Variants in SEMA5A observed in about 807,000 individuals in gnomAD.
SEMA5A encodes semaphorin-5A.
In SEMA5A, 55 loss-of-function variants were observed where a neutral mutation model predicts 135.5. The observed-to-expected ratio is 0.41, with a 90% CI of 0.33 to 0.51. The LOEUF is 0.51. SEMA5A is among the 20% of genes least tolerant of loss of function. SEMA5A has a pLI of 0.37. For synonymous variants in SEMA5A, 580 were observed against 546.5 expected, an observed-to-expected ratio of 1.06 and a Z score of -0.85; for missense variants, 1,290 against 1,419.9, an observed-to-expected ratio of 0.91 and a Z score of 1.47.
intron 8 of SEMA5A, among the ~76,000 whole-genome samples, chr5:9,219,144 A>G (rs1049434494): frequency 6.6e-5 from 10 of 152,238 alleles, no homozygotes; most frequent in African/African-American, 1.4e-4. Flanking sequence ...TCTACTGTCT[A>G]TCTCAAAGCT....
chr5:9,401,347 C>T (rs921369489), intron 2 of SEMA5A, among the ~76,000 whole-genome samples: 29 of 152,292 alleles, frequency 1.9e-4, no homozygotes, highest in Middle Eastern at 3.4e-3. Context: ...GGGTCTAGTG[C>T]CATATGTCAG....
intron 1 of SEMA5A, among the ~76,000 whole-genome samples, chr5:9,440,693 CT>C: frequency 6.6e-6 from 1 of 152,350 alleles, no homozygotes; most frequent in South Asian, 2.1e-4. Context: ...CCAATTATAA[CT>C]TACTAAGTGC....
chr5:9,102,246 C>T (rs998143947), intron 16 of SEMA5A, among the ~76,000 whole-genome samples: 6 of 152,172 alleles, frequency 3.9e-5, no homozygotes, highest in Admixed American at 3.3e-4. Context: ...AAAGGAAGTG[C>T]CAGCTGTCCC....
chr5:9,543,307 C>A (rs1738192377), intron 1 of SEMA5A, among the ~76,000 whole-genome samples: 1 of 152,188 alleles, frequency 6.6e-6, no homozygotes, highest in Non-Finnish European at 1.5e-5. Context: ...TATAAATGTG[C>A]TTGTATTTAT....
intron 15 of SEMA5A, among the ~76,000 whole-genome samples, chr5:9,114,664 G>T (rs1482609693): frequency 6.6e-6 from 1 of 152,178 alleles, no homozygotes; most frequent in Admixed American, 6.6e-5. Context: ...TGAAGGTGCT[G>T]CTTGGTCTCT....
chr5:9,132,621 G>A (rs1741493941), intron 13 of SEMA5A, among the ~76,000 whole-genome samples: 1 of 152,202 alleles, frequency 6.6e-6, no homozygotes, highest in Admixed American at 6.5e-5. Context: ...GTCTAAGACA[G>A]CCATAAGTCA....
chr5:9,082,385 A>AC (rs1189491783), intron 16 of SEMA5A, among the ~76,000 whole-genome samples: 1 of 152,176 alleles, frequency 6.6e-6, no homozygotes, highest in Non-Finnish European at 1.5e-5. Flanking sequence ...GTTTCCAGTG[A>AC]CTACCTAAGA....
rs75126914 is a variant in SEMA5A at position 9,194,601 on chromosome 5, T to G, written c.1068+2567A>C. On this transcript the variant is annotated intron_variant, in intron 10 of 22. Coordinates refer to ENST00000382496, the MANE Select transcript of SEMA5A (RefSeq NM_003966.3). Reference sequence around the variant, plus strand: ...TGAGGATACTTTGCCAGTGTGGTTATCAAATAGAGTAAACATAAAGAAAAC... The same window carrying G: ...TGAGGATACTTTGCCAGTGTGGTTAGCAAATAGAGTAAACATAAAGAAAAC... Among the ~76,000 whole-genome samples, 683 of 152,316 alleles carry G rather than the reference T, an allele frequency of 4.5e-3. 4 individuals are homozygous for G. Among genetic ancestry groups the G allele is most frequent in the African/African-American group, 0.015 (632 of 41,566 alleles).
intron 11 of SEMA5A, among the ~76,000 whole-genome samples, chr5:9,155,726 G>T (rs1303610160): frequency 6.6e-6 from 1 of 152,096 alleles, no homozygotes; most frequent in Non-Finnish European, 1.5e-5. Context: ...TTGACTTCAA[G>T]GCCTCCTATC....
intron 1 of SEMA5A, among the ~76,000 whole-genome samples, chr5:9,535,433 C>T (rs998385172): frequency 6.6e-6 from 1 of 152,108 alleles, no homozygotes; most frequent in Non-Finnish European, 1.5e-5. Context: ...GATGCTCTCT[C>T]TATATGGGGC....
intron 3 of SEMA5A, among the ~76,000 whole-genome samples, chr5:9,374,321 C>G (rs1470801942): frequency 6.6e-6 from 1 of 152,046 alleles, no homozygotes; most frequent in Non-Finnish European, 1.5e-5. Flanking sequence ...CAGATCAAGA[C>G]TCTGACAGAA....
rs1554019185 is a variant in SEMA5A, at chr5:9,041,476, A to AAAT, written c.*1418_*1420dup. On this transcript the variant is annotated 3_prime_UTR_variant, in exon 23 of 23. Coordinates refer to ENST00000382496, the MANE Select transcript of SEMA5A (RefSeq NM_003966.3). ...GGTTATGTATTGGTTGTTTGTGAGA[A>AAAT]AATTATATATTTTTTTCCAGGGACC... 6.6e-6 allele frequency: 1 copy of AAAT among 152,094 alleles called. No individual in the cohort carries two copies. The highest frequency in any genetic ancestry group is 2.4e-5 in the African/African-American group (1 of 41,388). The allele number at this position is 152,094 out of a possible 1,614,324, so 9.4% of individuals were successfully genotyped here.
Position 9,086,575 on chromosome 5 carries a change from C to T in SEMA5A, c.2074-19929G>A, listed in dbSNP as rs1738706699. Reference sequence around the variant, plus strand: ...CACATGGAATTGTAAGTCCAATAAACCTCTTTCTTTTGTAAATTGACCAAT... The same window carrying T: ...CACATGGAATTGTAAGTCCAATAAATCTCTTTCTTTTGTAAATTGACCAAT... On this transcript the variant is annotated intron_variant, in intron 16 of 22. Coordinates refer to ENST00000382496, the MANE Select transcript of SEMA5A (RefSeq NM_003966.3). 1.3e-5 allele frequency among the ~76,000 whole-genome samples: 2 copies of T among 152,196 alleles called. 1 individual carries two copies. Among genetic ancestry groups the T allele is most frequent in the South Asian group, 4.1e-4 (2 of 4,826 alleles).
At chr5:9,129,255 A>G (rs558448122) in intron 13 of SEMA5A, among the ~76,000 whole-genome samples, 1 of 152,380 alleles carries the variant, frequency 6.6e-6, no homozygotes, top group African/African-American at 2.4e-5. Context: ...AAGGAACTGC[A>G]TTGGGCAAAT....
At chr5:9,109,197 C>T (rs978741056) in intron 15 of SEMA5A, among the ~76,000 whole-genome samples, 1 of 151,104 alleles carries the variant, frequency 6.6e-6, no homozygotes, top group Non-Finnish European at 1.5e-5. Flanking sequence ...CCCGCCACTA[C>T]GCCCGGCTAA....
At chr5:9,082,229 CCTT>C (rs1379443025) in intron 16 of SEMA5A, among the ~76,000 whole-genome samples, 22 of 152,136 alleles carry the variant, frequency 1.4e-4, no homozygotes, top group Admixed American at 1.3e-3. Context: ...TAGAAGTTAC[CCTT>C]CTTCTGCCCA....
At chr5:9,339,148 GTTATTAATAATCC>G (rs1272121664) in intron 3 of SEMA5A, among the ~76,000 whole-genome samples, 1 of 152,138 alleles carries the variant, frequency 6.6e-6, no homozygotes, top group Non-Finnish European at 1.5e-5. Context: ...ACTATGAAAA[GTTATTAATAATCC>G]TTCCAGGACT....
chr5:9,323,684 T>G (rs1374820973), intron 4 of SEMA5A, among the ~76,000 whole-genome samples: 1 of 144,588 alleles, frequency 6.9e-6, no homozygotes, highest in Non-Finnish European at 1.5e-5. Flanking sequence ...TTTTCTGAGA[T>G]GGAGTCTTGC....
At chr5:9,174,525 C>A (rs767033598) in intron 11 of SEMA5A, among the ~76,000 whole-genome samples, 1 of 152,180 alleles carries the variant, frequency 6.6e-6, no homozygotes, top group South Asian at 2.1e-4. Flanking sequence ...TATTTTATCA[C>A]GCACTGGAGG....
Sources: gnomAD v4.1 joint callset for allele counts (sites outside exome capture counted in the v4.1 genomes callset) on GRCh38, gnomAD v4.1.1 for gene constraint, MANE v1.5 for transcripts, NCBI Gene and HGNC (gene_info 2026-07-23, HGNC 2026-07-21) for gene names.